The following ST18 variants were observed in gnomAD, a reference collection of about 807,000 sequenced individuals.
ST18 encodes ST18 C2H2C-type zinc finger transcription factor, also known as suppression of tumorigenicity 18 protein.
In ST18, 50 loss-of-function variants were observed where a neutral mutation model predicts 110.0. That is an observed-to-expected ratio of 0.45 (90% CI 0.36 to 0.58). The LOEUF is 0.58. Among genes scored for constraint, ST18 ranks in the 20% least tolerant of loss-of-function variants. The pLI, the probability that ST18 is intolerant of heterozygous loss-of-function variation, is 0.00. For missense variants in ST18, 1,306 were observed against 1,280.1 expected (o/e 1.02, Z -0.31); for synonymous variants, 461 against 452.4 (o/e 1.02, Z -0.24).
chr8:52,384,034 A>G (rs913670907), intron 2 of ST18, among the ~76,000 whole-genome samples: 1 of 152,318 alleles, frequency 6.6e-6, no homozygotes, highest in South Asian at 2.1e-4. Context: ...CATGATTTCC[A>G]AAAGAAATGC....
chr8:52,369,181 T>G (rs1829305403), intron 2 of ST18, among the ~76,000 whole-genome samples: 1 of 152,226 alleles, frequency 6.6e-6, no homozygotes, highest in South Asian at 2.1e-4. Context: ...AGACTGCTAA[T>G]TGACCTCCAA....
At position 52,214,224 on chromosome 8, in the gene ST18, T is replaced by TACGC; in HGVS notation, c.30_33dup (p.Thr12AlafsTer5). 6.2e-7 allele frequency: 1 copy of TACGC among 1,614,044 alleles called. No homozygotes were observed. Among genetic ancestry groups the TACGC allele is most frequent in the Non-Finnish European group, 8.5e-7 (1 of 1,179,982 alleles). On this transcript the variant is annotated frameshift_variant, in exon 7 of 26. Coordinates refer to ENST00000689386, the MANE Select transcript of ST18 (RefSeq NM_001352837.2). LOFTEE classifies it high-confidence loss of function. The stretch of plus-strand genomic sequence containing the variant: ...TCACCCTCGGTTCCTTTAGAGCGAG[T>TACGC]ACGCAGCGTTTTATCTTCAGCCTCT...
chr8:52,186,567 C>A (rs1010245662), intron 8 of ST18, among the ~76,000 whole-genome samples: 10 of 152,186 alleles, frequency 6.6e-5, no homozygotes, highest in African/African-American at 2.2e-4. Flanking sequence ...CCTAAGTACA[C>A]ACCTGAAAGA....
chr8:52,165,176 T>C lies in ST18; in HGVS notation c.1254A>G (p.Thr418=), dbSNP rs748888629. Residue 418 remains threonine (T), a synonymous_variant, in exon 12 of 26, where the codon ACA becomes ACG. Transcript: ENST00000689386. ...GGTTGCTGTTCACATGACCCCTTCC[T>C]GTGCATCCCGGCGTGGGACACTTGA... ...NVLKCPTPGC[T]GRGHVNSNRN... The C allele has an allele frequency of 2.5e-6, 4 of 1,614,084 alleles. No homozygotes were observed. The highest frequency in any genetic ancestry group is 1.7e-5 in the Admixed American group (1 of 59,998).
In ST18 at chr8:52,250,445, C is replaced by CAAAAAAAAAAAAAAAAAAAAAAAA. The variant is rs1159770176; in HGVS notation, c.-464-20392_-464-20369dup. Reference sequence around the variant, plus strand: ...TGACACTGTGGAAGAGCCTCAAAGGCAAAAAAAAAAAAAAAAAAAAAAAAA... The same window carrying CAAAAAAAAAAAAAAAAAAAAAAAA: ...TGACACTGTGGAAGAGCCTCAAAGGCAAAAAAAAAAAAAAAAAAAAAAAAAAAAAAAAAAAAAAAAAAAAAAAAA... On this transcript the variant is annotated intron_variant, in intron 2 of 25. Coordinates refer to ENST00000689386, the MANE Select transcript of ST18 (RefSeq NM_001352837.2). Among the ~76,000 whole-genome samples the CAAAAAAAAAAAAAAAAAAAAAAAA allele has an allele frequency of 7.0e-4, 3 of 4,280 alleles. 1 individual carries two copies. The highest frequency in any genetic ancestry group is 2.9e-3 in the African/African-American group (3 of 1,018). The allele number at this position is 4,280 out of a possible 152,430, so 2.8% of individuals were successfully genotyped here.
At chr8:52,162,447 T>C (rs931121009) in intron 13 of ST18, among the ~76,000 whole-genome samples, 1 of 152,178 alleles carries the variant, frequency 6.6e-6, no homozygotes, top group East Asian at 1.9e-4. Context: ...GAGATTTGAT[T>C]CCTGAATTGG....
At chr8:52,220,329 C>A (rs973927083) in intron 5 of ST18, among the ~76,000 whole-genome samples, 1 of 152,160 alleles carries the variant, frequency 6.6e-6, no homozygotes, top group African/African-American at 2.4e-5. Context: ...CATAAATTCA[C>A]TCCAGAAGTC....
At chr8:52,179,271 AG>A (rs1197944845) in intron 9 of ST18, among the ~76,000 whole-genome samples, 1 of 152,224 alleles carries the variant, frequency 6.6e-6, no homozygotes, top group African/African-American at 2.4e-5. Flanking sequence ...TGTGACTACC[AG>A]GAACTAATGT....
rs1214944384 is a variant in ST18, at chr8:52,133,119, A to C, written c.2382T>G (p.Arg794=). ...ASHRSLSGCP[R]ARKGGVKMTP... ...TCATTTTGACACCACCTTTCCTTGC[A>C]CGAGGGCATCCGGACAAGCTGAAAT... The change falls in exon 21 of 26, where the codon CGT becomes CGG. Residue 794 remains arginine, a synonymous_variant. Transcript: ENST00000689386. 6.2e-7 allele frequency: 1 copy of C among 1,614,132 alleles called. No homozygotes were observed. The highest frequency in any genetic ancestry group is 1.1e-5 in the South Asian group (1 of 91,060).
chr8:52,276,059 T>C (rs112069158), intron 2 of ST18, among the ~76,000 whole-genome samples: 12 of 4,716 alleles, frequency 2.5e-3, no homozygotes, highest in Admixed American at 4.3e-3. Context: ...ACACCAGACA[T>C]CACACATACA....
chr8:52,338,246 T>C (rs1813100916), intron 2 of ST18, among the ~76,000 whole-genome samples: 1 of 151,700 alleles, frequency 6.6e-6, no homozygotes, highest in Non-Finnish European at 1.5e-5. Flanking sequence ...TTAGTAGAGA[T>C]AGAGTTTCAC....
chr8:52,369,864 A>T (rs1829605370), intron 2 of ST18, among the ~76,000 whole-genome samples: 1 of 152,226 alleles, frequency 6.6e-6, no homozygotes, highest in Non-Finnish European at 1.5e-5. Context: ...CATCCTTATG[A>T]TGTTCATGAA....
At chr8:52,345,120 TC>T (rs1249363761) in intron 2 of ST18, among the ~76,000 whole-genome samples, 1 of 152,212 alleles carries the variant, frequency 6.6e-6, no homozygotes, top group Non-Finnish European at 1.5e-5. Context: ...ATATCACTTT[TC>T]TTTTTCTTTT....
At chr8:52,142,779 G>A (rs1259229834) in intron 17 of ST18, 151 bp downstream of exon 17, 1 of 580,308 alleles carries the variant, frequency 1.7e-6, no homozygotes, top group Non-Finnish European at 3.1e-6. Flanking sequence ...CACCCTCTTA[G>A]CTCAGGTTAG....
chr8:52,179,908 C>T (rs899907141), intron 9 of ST18, among the ~76,000 whole-genome samples: 3 of 152,192 alleles, frequency 2.0e-5, no homozygotes, highest in African/African-American at 7.2e-5. Context: ...GGGCAAGACT[C>T]TCTGTTGCTT....
chr8:52,345,646 T>G (rs143648285), intron 2 of ST18, among the ~76,000 whole-genome samples: 3 of 152,152 alleles, frequency 2.0e-5, no homozygotes, highest in African/African-American at 4.8e-5. Flanking sequence ...GAAGTTGGAA[T>G]GTCTACACAG....
intron 2 of ST18, among the ~76,000 whole-genome samples, chr8:52,270,222 C>A (rs1463615916): frequency 6.6e-6 from 1 of 152,046 alleles, no homozygotes; most frequent in Non-Finnish European, 1.5e-5. Flanking sequence ...TTCACTTAAC[C>A]TCATAGCATA....
chr8:52,294,239 T>C (rs1008155018), intron 2 of ST18, among the ~76,000 whole-genome samples: 5 of 152,204 alleles, frequency 3.3e-5, no homozygotes, highest in Non-Finnish European at 7.3e-5. Flanking sequence ...ATGGGAAGTA[T>C]CACTGGCCCA....
chr8:52,180,187 T>C lies in ST18; in HGVS notation c.212A>G (p.Gln71Arg). Residue 71 changes from glutamine (Q) to arginine (R), a missense_variant, in exon 9 of 26, where the codon CAA becomes CGA. Gln to Arg is a conservative substitution (Grantham distance 43, BLOSUM62 1). Transcript: ENST00000689386. ...CTCTGTCCTGTCACTGCGGTCTTCT[T>C]GGCAGTCTGCTTTTGGGCTGTAGTG... is the stretch of plus-strand genomic sequence containing the variant. Reference protein sequence around the residue: ...PRHYSPKADCQEDRSDRTEDD... With the variant: ...PRHYSPKADCREDRSDRTEDD... 1.2e-6 allele frequency: 2 copies of C among 1,614,152 alleles called. No individual in the cohort carries two copies. The highest frequency in any genetic ancestry group is 1.7e-6 in the Non-Finnish European group (2 of 1,180,032).
Sources: gnomAD v4.1 joint callset for allele counts (sites outside exome capture counted in the v4.1 genomes callset) on GRCh38, gnomAD v4.1.1 for gene constraint, MANE v1.5 for transcripts, NCBI Gene and HGNC (gene_info 2026-07-23, HGNC 2026-07-21) for gene names.